Variants in RTN4R observed in about 807,000 individuals in gnomAD.
RTN4R encodes reticulon-4 receptor.
RTN4R carries 4 observed loss-of-function variants against 27.7 expected under a neutral mutation model. The observed-to-expected ratio is 0.14, with a 90% CI of 0.07 to 0.33. The LOEUF is 0.33. RTN4R is among the 10% of genes least tolerant of loss of function. RTN4R has a pLI of 1.00. For missense variants in RTN4R, 554 were observed against 671.5 expected, an observed-to-expected ratio of 0.83 and a Z score of 1.93; for synonymous variants, 290 against 305.6, an observed-to-expected ratio of 0.95 and a Z score of 0.53.
chr22:20,243,850 G>GGATA (rs2051124605), intron 1 of RTN4R, among the ~76,000 whole-genome samples: 1 of 151,958 alleles, frequency 6.6e-6, no homozygotes, highest in South Asian at 2.1e-4. Flanking sequence ...CCATCAGCAG[G>GGATA]GATAGCCTCC....
intron 1 of RTN4R, chr22:20,243,781 T>TGGAG: frequency 3.2e-6 from 1 of 309,298 alleles, no homozygotes; most frequent in Non-Finnish European, 6.7e-6. Flanking sequence ...TGGGAGGAGT[T>TGGAG]CACTCCTCCC....
intron 1 of RTN4R, among the ~76,000 whole-genome samples, chr22:20,249,962 C>A (rs1266949939): frequency 6.6e-6 from 1 of 152,228 alleles, no homozygotes; most frequent in African/African-American, 2.4e-5. Context: ...GACTGCCCAG[C>A]CCTTCACATT....
In RTN4R at chr22:20,256,993, C is replaced by T. The variant is rs570737152; in HGVS notation, c.22+11078G>A. Among the ~76,000 whole-genome samples the T allele has an allele frequency of 5.9e-5, 9 of 152,362 alleles. No homozygotes were observed. The South Asian group carries it at 1.0e-3, about 18-fold the overall frequency. ...AGGCTTCTGTGTAGCTTGTTTCTGTCGGTTGAGGCACCCTGGGCTTTGGGC... is the reference window on the plus strand; with the variant it reads ...AGGCTTCTGTGTAGCTTGTTTCTGTTGGTTGAGGCACCCTGGGCTTTGGGC... On this transcript the variant is annotated intron_variant, in intron 1 of 1. Coordinates refer to ENST00000043402, the MANE Select transcript of RTN4R (RefSeq NM_023004.6).
In RTN4R at chr22:20,242,818, G is replaced by A. The variant is rs774270692; in HGVS notation, c.315C>T (p.Ala105=). 1.5e-5 allele frequency: 24 copies of A among 1,613,044 alleles called. No homozygotes were observed. The highest frequency in any genetic ancestry group is 2.0e-5 in the Non-Finnish European group (24 of 1,179,954). Residue 105 remains alanine (A), a synonymous_variant, in exon 2 of 2, where the codon GCC becomes GCT. Transcript: ENST00000043402. ...RIDAAAFTGL[A]LLEQLDLSDN... ...CGCTGAGGTCCAGCTGCTCCAGGAG[G>A]GCCAGGCCAGTGAAGGCAGCCGCAT...
At chr22:20,246,470 CGAG>C (rs1555892842) in intron 1 of RTN4R, among the ~76,000 whole-genome samples, 1 of 121,730 alleles carries the variant, frequency 8.2e-6, no homozygotes, top group Non-Finnish European at 1.7e-5. Flanking sequence ...GGGAGGAGAG[CGAG>C]GAGGGCAGGA....
chr22:20,265,181 T>C (rs1030267598), intron 1 of RTN4R, among the ~76,000 whole-genome samples: 2 of 152,154 alleles, frequency 1.3e-5, no homozygotes, highest in African/African-American at 2.4e-5. Flanking sequence ...AATTCAAGGC[T>C]GGGGCAGGGA....
Position 20,268,094 on chromosome 22 carries a change from G to C in RTN4R, c.-2C>G. 8.4e-7 allele frequency: 1 copy of C among 1,193,422 alleles called. No homozygotes were observed. The highest frequency in any genetic ancestry group is 4.0e-5 in the East Asian group (1 of 24,818). 73.9% of individuals were successfully genotyped at this position (1,193,422 alleles called of 1,614,324 possible). Reference sequence around the variant, plus strand: ...ACCTCCAGCGGACGCCCTCTTCATCGTAGGGGTTGGGCGGGGCGCGTCGGG... The same window carrying C: ...ACCTCCAGCGGACGCCCTCTTCATCCTAGGGGTTGGGCGGGGCGCGTCGGG... On this transcript the variant is annotated 5_prime_UTR_variant, in exon 1 of 2. Transcript: ENST00000043402.
At chr22:20,246,175 C>G (rs2145974343) in intron 1 of RTN4R, among the ~76,000 whole-genome samples, 1 of 152,342 alleles carries the variant, frequency 6.6e-6, no homozygotes, top group Non-Finnish European at 1.5e-5. Flanking sequence ...GAGCCACAGT[C>G]AGGGGAGGGC....
At chr22:20,260,392 T>G (rs1028822479) in intron 1 of RTN4R, among the ~76,000 whole-genome samples, 7 of 151,822 alleles carry the variant, frequency 4.6e-5, no homozygotes, top group Admixed American at 3.3e-4. Flanking sequence ...GAGACTCAAG[T>G]GGAGAGTGTG....
chr22:20,258,002 C>T (rs1281221613), intron 1 of RTN4R, among the ~76,000 whole-genome samples: 1 of 152,184 alleles, frequency 6.6e-6, no homozygotes, highest in African/African-American at 2.4e-5. Context: ...GATAATAAGG[C>T]CCACCTCATG....
chr22:20,261,035 C>T (rs2051243367), intron 1 of RTN4R, among the ~76,000 whole-genome samples: 1 of 152,182 alleles, frequency 6.6e-6, no homozygotes, highest in African/African-American at 2.4e-5. Flanking sequence ...ACTAACGTGT[C>T]TCTCAGGATG....
chr22:20,247,178 C>T (rs2051145937), intron 1 of RTN4R, among the ~76,000 whole-genome samples: 2 of 151,982 alleles, frequency 1.3e-5, no homozygotes, highest in Non-Finnish European at 2.9e-5. Context: ...TGCTGCTTCC[C>T]AGGGCTGGGG....
chr22:20,251,353 C>A lies in RTN4R; in HGVS notation c.23-8243G>T, dbSNP rs559783127. On this transcript the variant is annotated intron_variant, in intron 1 of 1. Transcript: ENST00000043402. ...AGGAAACAAGAGAGGAAAGGGAGTG[C>A]GGTCCCTCCTTGCAAACAGGATGCC... is the stretch of plus-strand genomic sequence containing the variant. Among the ~76,000 whole-genome samples, 4 of 152,236 alleles carry A rather than the reference C, an allele frequency of 2.6e-5. No homozygotes were observed. The East Asian group carries it at 5.8e-4, about 22-fold the overall frequency.
At chr22:20,263,096 G>T (rs991815880) in intron 1 of RTN4R, among the ~76,000 whole-genome samples, 2 of 152,242 alleles carry the variant, frequency 1.3e-5, no homozygotes, top group African/African-American at 4.8e-5. Flanking sequence ...TTGCTGCAAA[G>T]AAATAGAGTC....
intron 1 of RTN4R, among the ~76,000 whole-genome samples, chr22:20,253,134 C>A (rs988326833): frequency 6.6e-6 from 1 of 152,230 alleles, no homozygotes; most frequent in Non-Finnish European, 1.5e-5. Context: ...GGAGATATGG[C>A]AGGCAGGATC....
chr22:20,265,694 G>A (rs1389700553), intron 1 of RTN4R, among the ~76,000 whole-genome samples: 1 of 152,188 alleles, frequency 6.6e-6, no homozygotes, highest in African/African-American at 2.4e-5. Context: ...CCTGACTAGG[G>A]GCTTTTATTG....
chr22:20,264,211 C>T (rs1186349766), intron 1 of RTN4R, among the ~76,000 whole-genome samples: 1 of 152,302 alleles, frequency 6.6e-6, no homozygotes, highest in East Asian at 1.9e-4. Context: ...TGCAGGAGGC[C>T]GGTGCAGGTT....
chr22:20,268,014 G>T, intron 1 of RTN4R, 57 bp downstream of exon 1: 5 of 1,057,696 alleles, frequency 4.7e-6, no homozygotes, highest in Non-Finnish European at 5.9e-6. Context: ...GAGGGGGCGA[G>T]CCGCCCCCCT....
intron 1 of RTN4R, among the ~76,000 whole-genome samples, chr22:20,250,991 A>C (rs1266930069): frequency 2.6e-5 from 4 of 152,224 alleles, no homozygotes; most frequent in African/African-American, 7.2e-5. Flanking sequence ...AGACAAATCC[A>C]GTGCAGGTAG....
Sources: allele counts gnomAD v4.1 joint callset (sites outside exome capture counted in the v4.1 genomes callset), GRCh38; gene constraint gnomAD v4.1.1; transcripts MANE v1.5; gene names NCBI Gene and HGNC (gene_info 2026-07-23, HGNC 2026-07-21).